Variants in EPHA8 observed in about 807,000 individuals in gnomAD.
EPHA8 encodes ephrin type-A receptor 8.
Under a neutral mutation model 103.6 loss-of-function variants are expected in EPHA8, and 58 were observed. The observed-to-expected ratio is 0.56, with a 90% CI of 0.45 to 0.70. The LOEUF (loss-of-function observed/expected upper bound fraction) is 0.70. EPHA8 is among the 30% of genes least tolerant of loss of function. EPHA8 has a pLI of 0.00. For missense variants in EPHA8, 1,304 were observed against 1,395.2 expected (o/e 0.93, Z 1.04); for synonymous variants, 559 against 572.5 (o/e 0.98, Z 0.34).
At chr1:22,577,992 T>TGTGTGC (rs1640786766) in intron 3 of EPHA8, among the ~76,000 whole-genome samples, 1 of 2,154 alleles carries the variant, frequency 4.6e-4, no homozygotes, top group African/African-American at 1.8e-3. Flanking sequence ...CATGTGTGCA[T>TGTGTGC]GTACACCTGT....
At chr1:22,577,414 C>T (rs557760619) in intron 3 of EPHA8, among the ~76,000 whole-genome samples, 1 of 152,260 alleles carries the variant, frequency 6.6e-6, no homozygotes, top group East Asian at 1.9e-4. Context: ...AGTCTGGCTC[C>T]AGAGTTGGTG....
At position 22,601,504 on chromosome 1, in the gene EPHA8, C is replaced by T. The variant is rs774091260; in HGVS notation, c.2903+31C>T. ...TGATGGGTGGGGCTGGGGCCCCATG[C>T]GTGTGGGGGCAGGGGGGGGGACCCC... On this transcript the variant is annotated intron_variant, in intron 16 of 16. Transcript: ENST00000166244. 31 of 1,534,350 alleles carry T rather than the reference C, an allele frequency of 2.0e-5. 1 individual carries two copies. The highest frequency in any genetic ancestry group is 5.6e-5 in the South Asian group (5 of 88,788).
intron 3 of EPHA8, among the ~76,000 whole-genome samples, chr1:22,580,121 CTT>C (rs1557563865): frequency 4.1e-5 from 5 of 123,148 alleles, no homozygotes; most frequent in African/African-American, 6.2e-5. Context: ...GGTTTTCTTT[CTT>C]TCTCTTTTTT....
At chr1:22,601,239 T>G (rs921568144) in intron 15 of EPHA8, 61 bp from the exon 16 acceptor site, 74 of 1,549,620 alleles carry the variant, frequency 4.8e-5, no homozygotes, top group Non-Finnish European at 6.3e-5. Context: ...TCAGCCTGCT[T>G]CTTCTGGGGG....
rs1163043393 is a variant in EPHA8 at position 22,598,715 on chromosome 1, G to A, written c.2179-123G>A. 2.1e-5 allele frequency: 20 copies of A among 934,678 alleles called. No homozygotes were observed. Among genetic ancestry groups the A allele is most frequent in the Admixed American group, 4.5e-5 (2 of 44,602 alleles). The allele number at this position is 934,678 out of a possible 1,614,324, so 57.9% of individuals were successfully genotyped here. A position where few individuals can be genotyped will look rare whatever the true frequency, so the allele number is the denominator to read the frequency against. ...TGCAAAGTGCTTCAGAAGTAGTGGC[G>A]CACTTGGCAAATTGCAAAGCACCGT... On this transcript the variant is annotated intron_variant, in intron 12 of 16. Coordinates refer to ENST00000166244, the MANE Select transcript of EPHA8 (RefSeq NM_020526.5). This position sits in a 1 kb window ranked among gnomAD's most constrained non-coding sequence, Gnocchi z 5.1.
At chr1:22,574,271 G>A (rs919976103) in intron 2 of EPHA8, among the ~76,000 whole-genome samples, 1 of 152,152 alleles carries the variant, frequency 6.6e-6, no homozygotes, top group Non-Finnish European at 1.5e-5. Context: ...GAGCCACCGC[G>A]CCCGGCCAGG....
chr1:22,583,460 A>G (rs1457328669), intron 3 of EPHA8, among the ~76,000 whole-genome samples: 1 of 152,134 alleles, frequency 6.6e-6, no homozygotes, highest in East Asian at 1.9e-4. Context: ...GACGGGGGGA[A>G]AGGCCATAGC....
At chr1:22,584,480 C>T (rs1641133557) in intron 3 of EPHA8, among the ~76,000 whole-genome samples, 1 of 152,238 alleles carries the variant, frequency 6.6e-6, no homozygotes, top group Non-Finnish European at 1.5e-5. Context: ...CTCCTGACTC[C>T]AGGTTTTCTC....
At position 22,576,203 on chromosome 1, in the gene EPHA8, C is replaced by G. The variant is rs780172052; in HGVS notation, c.160-14C>G. On this transcript the variant is annotated splice_polypyrimidine_tract_variant and intron_variant, in intron 2 of 16. Transcript: ENST00000166244. The surrounding 1 kb of genome is among the most constrained non-coding windows in gnomAD (Gnocchi z 4.8). ...CTGGCTCTGCTGTAGTGGCTGTGTT[C>G]TCTCTGCCCACAGTGGGACTCCATC... 2.0e-5 allele frequency: 32 copies of G among 1,593,976 alleles called. No homozygotes were observed. The South Asian group carries it at 3.5e-4, about 18-fold the overall frequency.
At chr1:22,599,609 G>GT (rs1641620987) in intron 13 of EPHA8, among the ~76,000 whole-genome samples, 1 of 136,940 alleles carries the variant, frequency 7.3e-6, no homozygotes, top group Non-Finnish European at 1.5e-5. Flanking sequence ...GAGAGAGGGA[G>GT]GGAGGGAGGA....
chr1:22,578,394 C>G (rs10917252), intron 3 of EPHA8, among the ~76,000 whole-genome samples: 41,822 of 122,348 alleles, frequency 0.34, 6,492 homozygotes, highest in African/African-American at 0.51. Context: ...GTATGCATGT[C>G]TGCATGAGTG....
Position 22,585,802 on chromosome 1 carries a change from C to T in EPHA8, c.824-678C>T, listed in dbSNP as rs184019628. On this transcript the variant is annotated intron_variant, in intron 3 of 16. Transcript: ENST00000166244. ...GTGGGCCTGGGAGGGGAGAAGCCTG[C>T]GCTTCTTGGATAGTCACCCTCCCAT... is the stretch of plus-strand genomic sequence containing the variant. Among the ~76,000 whole-genome samples the T allele has an allele frequency of 4.8e-3, 729 of 152,256 alleles. 20 individuals carry two copies. Among genetic ancestry groups the T allele is most frequent in the Admixed American group, 0.045 (682 of 15,300 alleles).
At chr1:22,564,100 G>A (rs1640281986) in intron 1 of EPHA8, among the ~76,000 whole-genome samples, 2 of 151,278 alleles carry the variant, frequency 1.3e-5, no homozygotes, top group South Asian at 4.2e-4. Context: ...AGTGAGGTAG[G>A]GCAAGGAACA....
chr1:22,565,517 C>T (rs929978475), intron 1 of EPHA8, among the ~76,000 whole-genome samples: 1 of 152,148 alleles, frequency 6.6e-6, no homozygotes, highest in Non-Finnish European at 1.5e-5. Flanking sequence ...GGGGACAGTT[C>T]GTTTGCCCAG....
In EPHA8 at chr1:22,576,542, G is replaced by C. The variant is rs1395045322; in HGVS notation, c.485G>C (p.Arg162Pro). The C allele has an allele frequency of 1.9e-6, 3 of 1,614,040 alleles. No individual in the cohort carries two copies. Among genetic ancestry groups the C allele is most frequent in the Non-Finnish European group, 1.7e-6 (2 of 1,180,046 alleles). Residue 162 changes from arginine (R) to proline (P), a missense_variant, in exon 3 of 17, where the codon CGG (arginine) becomes CCG (proline). By Grantham distance (103) the Arg-to-Pro change is moderately radical. Coordinates refer to ENST00000166244, the MANE Select transcript of EPHA8 (RefSeq NM_020526.5). This position sits in a 1 kb window ranked among gnomAD's most constrained non-coding sequence, Gnocchi z 4.8. The part of the protein sequence containing the change: ...ESFTGADLGV[R>P]RLKLNTEVRS... The stretch of plus-strand genomic sequence containing the variant: ...TTCACAGGTGCCGACCTTGGTGTGC[G>C]GCGTCTCAAGCTCAACACGGAGGTG...
intron 1 of EPHA8, among the ~76,000 whole-genome samples, chr1:22,565,957 C>G (rs1470392411): frequency 6.6e-6 from 1 of 152,214 alleles, no homozygotes; most frequent in African/African-American, 2.4e-5. Context: ...GAGTCCTCCC[C>G]AGCACTGTCC....
Position 22,563,516 on chromosome 1 carries a change from G to T in EPHA8, c.-120G>T. On this transcript the variant is annotated 5_prime_UTR_variant, in exon 1 of 17. Transcript: ENST00000166244. This position sits in a 1 kb window ranked among gnomAD's most constrained non-coding sequence, Gnocchi z 4.4. ...GTGCGCTGGGAGCCGCGTGTGCGCC[G>T]GGGTGTGCGCCCGGCCGGGTGTGCG... 6.8e-6 allele frequency: 1 copy of T among 146,234 alleles called. No individual in the cohort carries two copies. The highest frequency in any genetic ancestry group is 1.8e-4 in the South Asian group (1 of 5,462). 9.1% of individuals were successfully genotyped at this position (146,234 alleles called of 1,614,324 possible). A position where few individuals can be genotyped will look rare whatever the true frequency, so the allele number is the denominator to read the frequency against.
intron 3 of EPHA8, among the ~76,000 whole-genome samples, chr1:22,578,151 CGT>C (rs1173031695): frequency 4.0e-4 from 22 of 55,602 alleles, no homozygotes; most frequent in African/African-American, 7.3e-4. Context: ...TGTATGTGTG[CGT>C]GTGTGCATGA....
chr1:22,574,110 C>T (rs1340815575), intron 2 of EPHA8, among the ~76,000 whole-genome samples: 1 of 152,260 alleles, frequency 6.6e-6, no homozygotes, highest in African/African-American at 2.4e-5. Flanking sequence ...TCCTGAGTAG[C>T]TGGGACTACA....
Sources: gnomAD v4.1 joint callset for allele counts (sites outside exome capture counted in the v4.1 genomes callset) on GRCh38, gnomAD v4.1.1 for gene constraint, Gnocchi (gnomAD v3.1) non-coding constraint, MANE v1.5 for transcripts, NCBI Gene and HGNC (gene_info 2026-07-23, HGNC 2026-07-21) for gene names.